Variants in TMEM219 observed in about 807,000 individuals in gnomAD.
The protein encoded by TMEM219 is insulin-like growth factor-binding protein 3 receptor.
Under a neutral mutation model 17.9 loss-of-function variants are expected in TMEM219, and 18 were observed. The ratio of observed to expected loss-of-function variants is 1.01; its 90% CI spans 0.70 to 1.49. TMEM219 has a LOEUF of 1.49. Among genes scored for constraint, TMEM219 ranks in the 40% most tolerant of loss-of-function variants. The pLI is 0.00. For synonymous variants in TMEM219, 113 were observed against 124.0 expected (o/e 0.91, Z 0.59); for missense variants, 288 against 292.4 (o/e 0.99, Z 0.11).
Position 29,963,480 on chromosome 16 carries a change from G to T in TMEM219, c.246G>T (p.Gly82=), listed in dbSNP as rs764422565. Residue 82 remains glycine (G), a synonymous_variant, in exon 3 of 6, where the codon GGG becomes GGT. Coordinates refer to ENST00000279396, the MANE Select transcript of TMEM219 (RefSeq NM_001083613.2). ...GGACAGTCACAGGGAAGTGGCGAGG[G>T]TCTCACGTCGTGGGCTTGCTGACCA... ...RNGTVTGKWR[G]SHVVGLLTTL... 87 of 1,614,098 alleles carry T rather than the reference G, an allele frequency of 5.4e-5. No homozygotes were observed. Among genetic ancestry groups the T allele is most frequent in the Non-Finnish European group, 7.2e-5 (85 of 1,180,040 alleles).
rs200245582 is a variant in TMEM219 at position 29,963,580 on chromosome 16, G to T, written c.346G>T (p.Gly116Ter). The T allele has an allele frequency of 6.2e-6, 10 of 1,613,548 alleles. No homozygotes were observed. The highest frequency in any genetic ancestry group is 1.1e-5 in the South Asian group (1 of 91,060). ...FQATVLGSQM[G>*]LKGSSAGQLV... ...GGCCACAGTCCTGGGAAGTCAGATG[G>T]GATTGAAAGGTGAGATCAGAGGCTG... Residue 116 changes from glycine (G) to a stop codon, truncating the protein, a stop_gained, in exon 3 of 6, where the codon GGA (glycine) becomes TGA (stop). Transcript: ENST00000279396. LOFTEE classifies it high-confidence loss of function.
intron 1 of TMEM219, 119 bp downstream of exon 1, chr16:29,962,251 A>G (rs1211698624): frequency 6.6e-6 from 1 of 151,972 alleles, no homozygotes; most frequent in African/African-American, 2.4e-5. Context: ...GCGGCGGCGG[A>G]CCCTCAGACT....
intron 3 of TMEM219, among the ~76,000 whole-genome samples, chr16:29,964,359 T>A (rs1250514820): frequency 2.0e-5 from 3 of 151,590 alleles, no homozygotes; most frequent in Non-Finnish European, 4.4e-5. Context: ...GGTGCAAGCC[T>A]GTAGTTCCAG....
At chr16:29,968,350 G>T in intron 4 of TMEM219, 96 bp downstream of exon 4, 1 of 1,063,790 alleles carries the variant, frequency 9.4e-7, no homozygotes, top group South Asian at 1.5e-5. Context: ...TGTAGAAAAA[G>T]CACAGGTTTT....
chr16:29,965,760 A>G (rs748255711), intron 3 of TMEM219, among the ~76,000 whole-genome samples: 3 of 151,888 alleles, frequency 2.0e-5, no homozygotes, highest in Non-Finnish European at 2.9e-5. Flanking sequence ...CCCCAGCCCA[A>G]GGAGTCTTGC....
chr16:29,972,823 G>A (rs1204914334), intron 5 of TMEM219, 127 bp from the exon 6 acceptor site: 1 of 152,224 alleles, frequency 6.6e-6, no homozygotes, highest in Non-Finnish European at 1.5e-5. Flanking sequence ...CCTTAGTTGG[G>A]ATTAAATGCC....
chr16:29,963,542 C>A lies in TMEM219; in HGVS notation c.308C>A (p.Thr103Asn), dbSNP rs1424790824. The A allele has an allele frequency of 6.2e-7, 1 of 1,614,046 alleles. No homozygotes were observed. The highest frequency in any genetic ancestry group is 1.7e-5 in the Admixed American group (1 of 60,006). The change falls in exon 3 of 6, where the codon ACC becomes AAC. Residue 103 changes from threonine (T) to asparagine (N), a missense_variant. Transcript: ENST00000279396. ...GGAGACGGTCCAGACAGGAACAAGA[C>A]CCGGACATTCCAGGCCACAGTCCTG... ...NFGDGPDRNKTRTFQATVLGS... is the reference protein window; with the variant it reads ...NFGDGPDRNKNRTFQATVLGS...
chr16:29,963,694 C>T lies in TMEM219; in HGVS notation c.355+105C>T, dbSNP rs527399044. 491 of 1,045,230 alleles carry T rather than the reference C, an allele frequency of 4.7e-4. 1 individual carries two copies. Among genetic ancestry groups the T allele is most frequent in the South Asian group, 3.2e-3 (197 of 61,358 alleles). The allele number at this position is 1,045,230 out of a possible 1,614,324, so 64.7% of individuals were successfully genotyped here. A position where few individuals can be genotyped will look rare whatever the true frequency, so the allele number is the denominator to read the frequency against. On this transcript the variant is annotated intron_variant, in intron 3 of 5. Transcript: ENST00000279396. ...GGTCAGGAGTTCAAGACCAGCCTGG[C>T]CAACATGATGAAACACCATCTCTAC...
At position 29,967,566 on chromosome 16, in the gene TMEM219, G is replaced by A. The variant is rs990458650; in HGVS notation, c.356-459G>A. ...GTTGAGGCTCCCGTGAGCTGGGATC[G>A]TGCCACTGCACTCCAACCTGCACGA... On this transcript the variant is annotated intron_variant, in intron 3 of 5. Transcript: ENST00000279396. 7.2e-5 allele frequency among the ~76,000 whole-genome samples: 11 copies of A among 152,284 alleles called. No individual in the cohort carries two copies. The South Asian group carries it at 2.1e-3, about 29-fold the overall frequency.
At chr16:29,964,672 C>T (rs187521881) in intron 3 of TMEM219, among the ~76,000 whole-genome samples, 4 of 151,734 alleles carry the variant, frequency 2.6e-5, no homozygotes, top group Admixed American at 1.3e-4. Flanking sequence ...GCGCCCCCCC[C>T]ACCACCCTGC....
rs144131535 is a variant in TMEM219 at position 29,964,010 on chromosome 16, G to A, written c.355+421G>A. ...AGCCTGGCCAACATGGTGAAACCCC[G>A]TCTCTACTAGAAATACAAAAATTAA... On this transcript the variant is annotated intron_variant, in intron 3 of 5. Transcript: ENST00000279396. 5.7e-3 allele frequency among the ~76,000 whole-genome samples: 870 copies of A among 151,338 alleles called. 5 individuals are homozygous for A. Among genetic ancestry groups the A allele is most frequent in the African/African-American group, 0.02 (831 of 41,244 alleles).
At chr16:29,967,950 GA>G in intron 3 of TMEM219, 74 bp from the exon 4 acceptor site, 1 of 1,107,466 alleles carries the variant, frequency 9.0e-7, no homozygotes, top group South Asian at 1.4e-5. Flanking sequence ...GAAAATACAA[GA>G]AAAGAAGCGT....
At chr16:29,969,167 A>G (rs1199780172) in intron 4 of TMEM219, among the ~76,000 whole-genome samples, 8 of 151,214 alleles carry the variant, frequency 5.3e-5, no homozygotes, top group African/African-American at 1.7e-4. Context: ...CCTGGAGAAC[A>G]TAGCAAGACC....
Position 29,963,252 on chromosome 16 carries a change from C to A in TMEM219, c.109C>A (p.Leu37Ile). 6.2e-7 allele frequency: 1 copy of A among 1,614,134 alleles called. No individual in the cohort carries two copies. Among genetic ancestry groups the A allele is most frequent in the African/African-American group, 1.3e-5 (1 of 75,074 alleles). ...GCTCCTTGGCCTCTCTGGCCTGGGC[C>A]TTGGCAGCTTCCTCCTCACCCACAG... Reference protein sequence around the residue: ...LLLLGLSGLGLGSFLLTHRTG... With the variant: ...LLLLGLSGLGIGSFLLTHRTG... Residue 37 changes from leucine to isoleucine, a missense_variant, in exon 2 of 6, where the codon CTT becomes ATT. Leu to Ile is a conservative substitution (Grantham distance 5). Coordinates refer to ENST00000279396, the MANE Select transcript of TMEM219 (RefSeq NM_001083613.2).
chr16:29,963,467 G>A lies in TMEM219; in HGVS notation c.233G>A (p.Gly78Glu). ...TLCPRNGTVT[G>E]KWRGSHVVGL... Reference sequence around the variant, plus strand: ...TGTCCCAGGAATGGGACAGTCACAGGGAAGTGGCGAGGGTCTCACGTCGTG... The same window carrying A: ...TGTCCCAGGAATGGGACAGTCACAGAGAAGTGGCGAGGGTCTCACGTCGTG... Residue 78 changes from glycine (G) to glutamate (E), a missense_variant, in exon 3 of 6, where the codon GGG becomes GAG. Gly to Glu is a moderately conservative substitution (Grantham distance 98). Coordinates refer to ENST00000279396, the MANE Select transcript of TMEM219 (RefSeq NM_001083613.2). 1 of 1,614,230 alleles carries A rather than the reference G, an allele frequency of 6.2e-7. No homozygotes were observed. The highest frequency in any genetic ancestry group is 1.1e-5 in the South Asian group (1 of 91,088).
At chr16:29,967,926 C>CA (rs1043115293) in intron 3 of TMEM219, 99 bp from the exon 4 acceptor site, 102,426 of 732,866 alleles carry the variant, frequency 0.14, 5 homozygotes, top group East Asian at 0.16. Flanking sequence ...GACTCCGCCT[C>CA]AAAAAAAAAA....
intron 3 of TMEM219, among the ~76,000 whole-genome samples, chr16:29,967,526 A>G (rs1300222067): frequency 2.0e-5 from 3 of 152,294 alleles, no homozygotes; most frequent in African/African-American, 7.2e-5. Context: ...TGGGAGGATC[A>G]CTTGAGCCTA....
Position 29,963,294 on chromosome 16 carries a change from C to T in TMEM219, c.151C>T (p.Pro51Ser), listed in dbSNP as rs1008826240. 1 of 1,614,066 alleles carries T rather than the reference C, an allele frequency of 6.2e-7. No homozygotes were observed. Among genetic ancestry groups the T allele is most frequent in the South Asian group, 1.1e-5 (1 of 91,084 alleles). The change falls in exon 2 of 6, where the codon CCT becomes TCT. Residue 51 changes from proline to serine, a missense_variant. Physicochemically the swap from Pro to Ser is moderately conservative, Grantham distance 74. Coordinates refer to ENST00000279396, the MANE Select transcript of TMEM219 (RefSeq NM_001083613.2). ...CACCCACAGGACTGGCCTGCGCAGC[C>T]CTGACATCCCCCAGGTAAGTTCCCC... ...LLTHRTGLRS[P>S]DIPQDWVSFL...
chr16:29,968,513 T>G, intron 4 of TMEM219: 1 of 410,006 alleles, frequency 2.4e-6, no homozygotes, highest in Non-Finnish European at 4.4e-6. Flanking sequence ...GCCCAGCACA[T>G]TGCCTGGGAC....
Sources: allele counts gnomAD v4.1 joint callset (sites outside exome capture counted in the v4.1 genomes callset), GRCh38; gene constraint gnomAD v4.1.1; transcripts MANE v1.5; gene names NCBI Gene and HGNC (gene_info 2026-07-23, HGNC 2026-07-21).